The following TPST2 variants were observed in gnomAD, a reference collection of about 807,000 sequenced individuals.
TPST2 encodes the protein tyrosylprotein sulfotransferase 2.
In TPST2, 16 loss-of-function variants were observed where a neutral mutation model predicts 27.8. That is an observed-to-expected ratio of 0.58 (90% confidence interval 0.39 to 0.88). TPST2 has a LOEUF of 0.88. TPST2 is among the 40% of genes least tolerant of loss of function. The pLI is 0.00. For synonymous variants in TPST2, 229 were observed against 231.7 expected (o/e 0.99, Z 0.10); for missense variants, 464 against 543.1 (o/e 0.85, Z 1.45).
intron 1 of TPST2, among the ~76,000 whole-genome samples, chr22:26,556,670 T>C (rs1926813204): frequency 2.0e-5 from 3 of 152,140 alleles, no homozygotes. Flanking sequence ...CTCATCCAAA[T>C]TCCTAGGCCC....
chr22:26,533,331 G>A (rs1039699682), intron 4 of TPST2, among the ~76,000 whole-genome samples: 2 of 152,174 alleles, frequency 1.3e-5, no homozygotes, highest in Non-Finnish European at 2.9e-5. Flanking sequence ...TCAGCTGGAG[G>A]ATTGGTTGAG....
At chr22:26,555,565 A>G (rs1205586531) in intron 1 of TPST2, among the ~76,000 whole-genome samples, 1 of 152,262 alleles carries the variant, frequency 6.6e-6, no homozygotes, top group African/African-American at 2.4e-5. Flanking sequence ...GCTCAGAGGC[A>G]TCAGCTACAA....
At chr22:26,555,435 G>C (rs957907567) in intron 1 of TPST2, 29 of 355,914 alleles carry the variant, frequency 8.1e-5, no homozygotes, top group African/African-American at 6.2e-4. Flanking sequence ...CAGTGGCCTT[G>C]AGCCAGTGAC....
chr22:26,559,529 G>C (rs150240441), intron 1 of TPST2, among the ~76,000 whole-genome samples: 1 of 152,030 alleles, frequency 6.6e-6, no homozygotes, highest in Non-Finnish European at 1.5e-5. Context: ...GAGAAACCTC[G>C]TACCCTTACG....
Position 26,523,567 on chromosome 22 carries a change from GTATTTATTTTATTTTGTTT to G in TPST2, c.*2689_*2707del, listed in dbSNP as rs1399042680. 6.6e-6 allele frequency: 1 copy of G among 152,084 alleles called. No homozygotes were observed. 9.4% of individuals were successfully genotyped at this position (152,084 alleles called of 1,614,324 possible). On this transcript the variant is annotated 3_prime_UTR_variant, in exon 7 of 7. Transcript: ENST00000338754. ...CACTTAGGGGCTAGAAACAGAAATT[GTATTTATTTTATTTTGTTT>G]TATTTATTTTATTTTTGAGATGGAG...
intron 3 of TPST2, among the ~76,000 whole-genome samples, chr22:26,538,950 G>GC (rs1265356798): frequency 6.6e-6 from 1 of 152,224 alleles, no homozygotes; most frequent in African/African-American, 2.4e-5. Context: ...TCATCAACAG[G>GC]CCCTGAAAAT....
intron 1 of TPST2, among the ~76,000 whole-genome samples, chr22:26,574,269 A>G (rs1441920393): frequency 6.6e-6 from 1 of 152,240 alleles, no homozygotes; most frequent in African/African-American, 2.4e-5. Context: ...ACTTCTATGC[A>G]TTAGATGCCA....
intron 1 of TPST2, among the ~76,000 whole-genome samples, chr22:26,559,931 G>A (rs375498273): frequency 6.6e-6 from 1 of 151,734 alleles, no homozygotes; most frequent in African/African-American, 2.4e-5. Flanking sequence ...AAATCCACAC[G>A]GTGTGACAGA....
chr22:26,558,156 C>T (rs1233671620), intron 1 of TPST2, among the ~76,000 whole-genome samples: 3 of 58,012 alleles, frequency 5.2e-5, no homozygotes, highest in Non-Finnish European at 1.2e-4. Flanking sequence ...CACACACACA[C>T]ACACACACAC....
At chr22:26,580,858 A>G (rs1171750252) in intron 1 of TPST2, among the ~76,000 whole-genome samples, 1 of 152,102 alleles carries the variant, frequency 6.6e-6, no homozygotes, top group East Asian at 1.9e-4. Context: ...GTGGGGAGGA[A>G]GACTTTCGCT....
intron 1 of TPST2, among the ~76,000 whole-genome samples, chr22:26,575,408 A>C (rs1385752168): frequency 6.6e-6 from 1 of 152,128 alleles, no homozygotes; most frequent in African/African-American, 2.4e-5. Context: ...ACACTTACCA[A>C]TTGCTAAGGG....
chr22:26,533,402 A>G (rs1160080416), intron 4 of TPST2, among the ~76,000 whole-genome samples: 1 of 152,142 alleles, frequency 6.6e-6, no homozygotes, highest in Middle Eastern at 3.2e-3. Flanking sequence ...CCTGAGTGAC[A>G]GAGCGAGACC....
chr22:26,528,058 C>T (rs938772257), intron 6 of TPST2, among the ~76,000 whole-genome samples, 156 bp downstream of exon 6: 1 of 152,230 alleles, frequency 6.6e-6, no homozygotes, highest in African/African-American at 2.4e-5. Context: ...CCCAGTCTGT[C>T]ACCATGGAAA....
chr22:26,570,471 C>CG (rs1444532263), intron 1 of TPST2, among the ~76,000 whole-genome samples: 2 of 152,100 alleles, frequency 1.3e-5, no homozygotes, highest in African/African-American at 4.8e-5. Flanking sequence ...CCCATGAAAA[C>CG]GTTTACAGGG....
chr22:26,584,099 A>T (rs993710764), intron 1 of TPST2, among the ~76,000 whole-genome samples: 3 of 152,260 alleles, frequency 2.0e-5, no homozygotes, highest in Non-Finnish European at 4.4e-5. Context: ...ACTCAATTTT[A>T]AAAACACACA....
In TPST2 at chr22:26,590,091, G is replaced by T. The variant is rs561828229; in HGVS notation, c.-199C>A. ...GGCGAGGCAGCCCCACGCACCCAGC[G>T]ACTCCCGGCTCTCCAGCCGCCCCAG... On this transcript the variant is annotated 5_prime_UTR_variant, in exon 1 of 7. Transcript: ENST00000338754. 2.6e-5 allele frequency: 4 copies of T among 151,864 alleles called. No homozygotes were observed. Among genetic ancestry groups the T allele is most frequent in the Admixed American group, 1.3e-4 (2 of 15,250 alleles). The allele number at this position is 151,864 out of a possible 1,614,324, so 9.4% of individuals were successfully genotyped here.
chr22:26,586,741 C>T (rs1416662621), intron 1 of TPST2, among the ~76,000 whole-genome samples: 1 of 152,230 alleles, frequency 6.6e-6, no homozygotes, highest in Non-Finnish European at 1.5e-5. Flanking sequence ...AAGTGCTGGT[C>T]TAAGTTCCTG....
chr22:26,541,694 A>G lies in TPST2; in HGVS notation c.-64T>C. ...GCTTCTGGGGCTTCAGCGACAGGTT[A>G]GCGGGCAGCCCGCCAGGCTCACATC... On this transcript the variant is annotated 5_prime_UTR_variant, in exon 3 of 7. Transcript: ENST00000338754. This position sits in a 1 kb window ranked among gnomAD's most constrained non-coding sequence, Gnocchi z 5.9. 6.7e-7 allele frequency: 1 copy of G among 1,483,920 alleles called. No homozygotes were observed. The highest frequency in any genetic ancestry group is 8.9e-7 in the Non-Finnish European group (1 of 1,124,024). The allele number at this position is 1,483,920 out of a possible 1,614,324, so 91.9% of individuals were successfully genotyped here.
chr22:26,541,214 G>A lies in TPST2; in HGVS notation c.417C>T (p.Ala139=). Residue 139 remains alanine (A), a synonymous_variant, in exon 3 of 7, where the codon GCC becomes GCT. Transcript: ENST00000338754. This position sits in a 1 kb window ranked among gnomAD's most constrained non-coding sequence, Gnocchi z 5.9. ...GCTTGGCAATCACCTCCAGGATGAA[G>A]GCCTGCATGGCGGCGTCCAGCACCT... The part of the protein sequence containing the change: ...TDEVLDAAMQ[A]FILEVIAKHG... 12 of 1,568,740 alleles carry A rather than the reference G, an allele frequency of 7.6e-6. No individual in the cohort carries two copies. The highest frequency in any genetic ancestry group is 2.7e-5 in the African/African-American group (2 of 74,274).
Sources: allele counts gnomAD v4.1 joint callset (sites outside exome capture counted in the v4.1 genomes callset), GRCh38; gene constraint gnomAD v4.1.1; non-coding constraint Gnocchi (gnomAD v3.1); transcripts MANE v1.5; gene names NCBI Gene and HGNC (gene_info 2026-07-23, HGNC 2026-07-21).